LRRC37A3: variants seen among roughly 807,000 people sequenced by gnomAD.
The protein encoded by LRRC37A3 is leucine rich repeat containing 37 member A3.
Under a neutral mutation model 106.2 loss-of-function variants are expected in LRRC37A3, and 25 were observed. That is an observed-to-expected ratio of 0.24 (90% CI 0.17 to 0.33). LRRC37A3 has a LOEUF of 0.33. Among genes scored for constraint, LRRC37A3 ranks in the 10% least tolerant of loss-of-function variants. The pLI is 1.00. For synonymous variants in LRRC37A3, 305 were observed against 635.8 expected (o/e 0.48, Z 7.83); for missense variants, 712 against 1,644.9 (o/e 0.43, Z 9.81).
In LRRC37A3 at chr17:64,859,450, A is replaced by G. The variant is rs976540332; in HGVS notation, c.4696T>C (p.Ser1566Pro). 3 of 1,595,500 alleles carry G rather than the reference A, an allele frequency of 1.9e-6. No homozygotes were observed. In the African/African-American group the frequency reaches 4.1e-5, roughly 22 times the overall value. Reference protein sequence around the residue: ...TEAQSEQKEKSLEFTKELPGY... With the variant: ...TEAQSEQKEKPLEFTKELPGY... ...TTCTGTGTAGTCCTCACCTCAAGCGACTTCTCTTTCTGTTCACTCTGGGCT... is the reference window on the plus strand; with the variant it reads ...TTCTGTGTAGTCCTCACCTCAAGCGGCTTCTCTTTCTGTTCACTCTGGGCT... Residue 1566 changes from serine (S) to proline (P), a missense_variant, in exon 12 of 15, where the codon TCG becomes CCG. Transcript: ENST00000584306.
chr17:64,866,620 ATATATATATT>A (rs1323901678), intron 10 of LRRC37A3, among the ~76,000 whole-genome samples: 2 of 24,968 alleles, frequency 8.0e-5, no homozygotes, highest in Non-Finnish European at 1.3e-4. Context: ...ATATATATAT[ATATATATATT>A]TTTTTTTTTT....
intron 11 of LRRC37A3, among the ~76,000 whole-genome samples, 167 bp from the exon 12 acceptor site, chr17:64,861,140 C>A (rs1972853325): frequency 6.6e-6 from 1 of 152,200 alleles, no homozygotes; most frequent in African/African-American, 2.4e-5. Flanking sequence ...ATGGCAACAA[C>A]AAAAGGAGAA....
At chr17:64,859,293 G>A (rs548209958) in intron 12 of LRRC37A3, 149 bp downstream of exon 12, 11 of 915,278 alleles carry the variant, frequency 1.2e-5, no homozygotes, top group Non-Finnish European at 1.8e-5. Flanking sequence ...CTCTCTACAT[G>A]AGCAAAGTGG....
chr17:64,890,660 T>C (rs2143540423), intron 5 of LRRC37A3, among the ~76,000 whole-genome samples: 1 of 138,252 alleles, frequency 7.2e-6, no homozygotes, highest in South Asian at 2.2e-4. Flanking sequence ...GGTGAAACCC[T>C]GTCTCTACTA....
At chr17:64,861,303 G>A (rs371868167) in intron 11 of LRRC37A3, among the ~76,000 whole-genome samples, 3 of 152,174 alleles carry the variant, frequency 2.0e-5, no homozygotes, top group South Asian at 2.1e-4. Flanking sequence ...TCCCTGATGA[G>A]CTGGCCTCTC....
chr17:64,909,199 T>TTAGA (rs1192803563), intron 2 of LRRC37A3, among the ~76,000 whole-genome samples: 1 of 152,128 alleles, frequency 6.6e-6, no homozygotes, highest in Non-Finnish European at 1.5e-5. Flanking sequence ...TTAATACACA[T>TTAGA]TAGATGAAAT....
chr17:64,855,786 A>C (rs1972657383), intron 14 of LRRC37A3, 54 bp downstream of exon 14: 3 of 1,608,792 alleles, frequency 1.9e-6, no homozygotes. Flanking sequence ...TGGCAACAAG[A>C]GGGAAACTCC....
chr17:64,879,548 T>C (rs1301445793), intron 8 of LRRC37A3, among the ~76,000 whole-genome samples: 1 of 152,190 alleles, frequency 6.6e-6, no homozygotes, highest in Non-Finnish European at 1.5e-5. Context: ...TTCAGTGCCA[T>C]TAACTTGTTT....
At chr17:64,881,225 C>G (rs1043368660) in intron 8 of LRRC37A3, 2 of 697,742 alleles carry the variant, frequency 2.9e-6, no homozygotes, top group African/African-American at 3.6e-5. Context: ...AAACAGTGAG[C>G]CTTTTTCTTT....
chr17:64,884,401 T>C (rs1973807991), intron 8 of LRRC37A3, among the ~76,000 whole-genome samples: 3 of 152,078 alleles, frequency 2.0e-5, no homozygotes, highest in Non-Finnish European at 2.9e-5. Context: ...AGTCTCACTC[T>C]GTCCCTCAGG....
At chr17:64,913,502 G>A (rs1449998203) in intron 2 of LRRC37A3, among the ~76,000 whole-genome samples, 2 of 151,744 alleles carry the variant, frequency 1.3e-5, no homozygotes, top group Non-Finnish European at 2.9e-5. Context: ...CACCACACTA[G>A]GCTATTTTTC....
chr17:64,858,711 T>C (rs1355423121), intron 13 of LRRC37A3, 68 bp downstream of exon 13: 2 of 1,262,274 alleles, frequency 1.6e-6, no homozygotes, highest in Non-Finnish European at 2.3e-6. Context: ...GGTTTTCAGT[T>C]TGTGAGCTCT....
intron 2 of LRRC37A3, chr17:64,899,940 C>T (rs1344685550): frequency 6.7e-6 from 1 of 150,144 alleles, no homozygotes; most frequent in Non-Finnish European, 1.5e-5. Flanking sequence ...TCACATTTTC[C>T]TGAGAATTAA....
intron 8 of LRRC37A3, among the ~76,000 whole-genome samples, chr17:64,876,568 G>A (rs1247854720): frequency 6.6e-6 from 1 of 152,052 alleles, no homozygotes; most frequent in African/African-American, 2.4e-5. Context: ...ATTATAATAT[G>A]AATAAAAAGG....
rs371322596 is a variant in LRRC37A3, at chr17:64,859,989, T to C, written c.4157A>G (p.Asn1386Ser). 9.1e-5 allele frequency: 147 copies of C among 1,613,748 alleles called. 3 individuals are homozygous for C. In the East Asian group the frequency reaches 2.0e-3, roughly 22 times the overall value. ...SAPSEHFIEN[N>S]NTKDTTARNA... ...TCTTGCAGTTGTGTCTTTTGTATTA[T>C]TGTTTTCTATAAAATGTTCTGAAGG... Residue 1386 changes from asparagine (N) to serine (S), a missense_variant, in exon 12 of 15, where the codon AAT (asparagine) becomes AGT (serine). Coordinates refer to ENST00000584306, the MANE Select transcript of LRRC37A3 (RefSeq NM_199340.5).
chr17:64,890,726 GGAGGCT>G (rs1973929685), intron 5 of LRRC37A3, among the ~76,000 whole-genome samples: 1 of 146,672 alleles, frequency 6.8e-6, no homozygotes, highest in Non-Finnish European at 1.5e-5. Context: ...CAGCTACGCG[GGAGGCT>G]GAGGCAGGAG....
At chr17:64,892,256 GAAA>G (rs1232916699) in intron 5 of LRRC37A3, among the ~76,000 whole-genome samples, 20 of 666 alleles carry the variant, frequency 0.03, no homozygotes, top group African/African-American at 0.094. Flanking sequence ...CCCTGTCTCT[GAAA>G]AAAAAAAAAA....
chr17:64,864,218 G>GAAT (rs1368925050), intron 10 of LRRC37A3, among the ~76,000 whole-genome samples: 1 of 152,052 alleles, frequency 6.6e-6, no homozygotes, highest in Non-Finnish European at 1.5e-5. Context: ...GAGGCAGGAA[G>GAAT]AATACATCAC....
rs762213702 is a variant in LRRC37A3, at chr17:64,855,878, G to T, written c.4821C>A (p.His1607Gln). Residue 1607 changes from histidine to glutamine, a missense_variant, in exon 14 of 15, where the codon CAC (histidine) becomes CAA (glutamine). His to Gln is a conservative substitution (Grantham distance 24, BLOSUM62 0). Transcript: ENST00000584306. ...CTTCATCTTCTTGTAATGACCTTCG[G>T]TGACAACAGATCTGTTTTAGAAGAA... The part of the protein sequence containing the change: ...ILLCLIEICC[H>Q]RRSLQEDEEG... 6.2e-7 allele frequency: 1 copy of T among 1,611,800 alleles called. No homozygotes were observed. The highest frequency in any genetic ancestry group is 8.5e-7 in the Non-Finnish European group (1 of 1,179,708).
Sources: gnomAD v4.1 joint callset for allele counts (sites outside exome capture counted in the v4.1 genomes callset) on GRCh38, gnomAD v4.1.1 for gene constraint, MANE v1.5 for transcripts, NCBI Gene and HGNC (gene_info 2026-07-23, HGNC 2026-07-21) for gene names.